Variants in KCNJ6 observed in about 807,000 individuals in gnomAD.
KCNJ6 encodes potassium inwardly rectifying channel subfamily J member 6.
In KCNJ6, 9 loss-of-function variants were observed where a neutral mutation model predicts 34.2. The ratio of observed to expected loss-of-function variants is 0.26; its 90% confidence interval spans 0.16 to 0.46. The LOEUF (loss-of-function observed/expected upper bound fraction) is 0.46, where lower values mean the gene tolerates loss of function less well. KCNJ6 is among the 20% of genes least tolerant of loss of function. The probability of loss-of-function intolerance (pLI) is 1.00; values close to 1 mark genes in which losing one functional copy is unlikely to be tolerated. For missense variants in KCNJ6, 236 were observed against 531.3 expected (o/e 0.44, Z 5.46); for synonymous variants, 196 against 207.1 (o/e 0.95, Z 0.46).
At chr21:37,658,657 C>A (rs1024080732) in intron 3 of KCNJ6, among the ~76,000 whole-genome samples, 49 of 152,188 alleles carry the variant, frequency 3.2e-4, no homozygotes, top group African/African-American at 1.1e-3. Flanking sequence ...GCAATGTAAG[C>A]TCCAGAGGCA....
intron 1 of KCNJ6, among the ~76,000 whole-genome samples, chr21:37,858,742 T>C (rs900630187): frequency 6.6e-6 from 1 of 152,170 alleles, no homozygotes; most frequent in African/African-American, 2.4e-5. Context: ...ATCTTAAAGA[T>C]GCAAGCACTC....
intron 2 of KCNJ6, among the ~76,000 whole-genome samples, chr21:37,812,115 T>C (rs745738678): frequency 1.3e-5 from 2 of 152,178 alleles, no homozygotes; most frequent in Non-Finnish European, 2.9e-5. Context: ...TTGGAAACCA[T>C]GTAAATTAGA....
At chr21:37,735,301 A>C (rs1400645230) in intron 2 of KCNJ6, among the ~76,000 whole-genome samples, 1 of 152,216 alleles carries the variant, frequency 6.6e-6, no homozygotes, top group Non-Finnish European at 1.5e-5. Context: ...CTATCACCAG[A>C]AACGGGGACA....
Position 37,614,336 on chromosome 21 carries a change from C to G in KCNJ6, c.*10823G>C. 1 of 151,660 alleles carries G rather than the reference C, an allele frequency of 6.6e-6. No individual in the cohort carries two copies. 9.4% of individuals were successfully genotyped at this position (151,660 alleles called of 1,614,324 possible). A position where few individuals can be genotyped will look rare whatever the true frequency, so the allele number is the denominator to read the frequency against. ...GGAAATTTACTTTTGTGGTGTCACT[C>G]ATAACTGATTGGAAAGGATAAGAGT... is the stretch of plus-strand genomic sequence containing the variant. On this transcript the variant is annotated 3_prime_UTR_variant, in exon 4 of 4. Transcript: ENST00000609713.
chr21:37,896,152 G>A (rs898387964), intron 1 of KCNJ6, among the ~76,000 whole-genome samples: 3 of 152,150 alleles, frequency 2.0e-5, no homozygotes, highest in Non-Finnish European at 4.4e-5. Context: ...CAGAGGGGGA[G>A]GTGCCACACA....
At chr21:37,812,546 C>T (rs1177966064) in intron 2 of KCNJ6, among the ~76,000 whole-genome samples, 1 of 152,122 alleles carries the variant, frequency 6.6e-6, no homozygotes, top group East Asian at 1.9e-4. Context: ...TATTCAACAA[C>T]ACATTAAAAA....
intron 2 of KCNJ6, among the ~76,000 whole-genome samples, chr21:37,796,530 C>T (rs1167769104): frequency 6.7e-6 from 1 of 149,840 alleles, no homozygotes. Flanking sequence ...TCGGTTTTGT[C>T]CTATTTGCAA....
chr21:37,658,826 A>G (rs908102655), intron 3 of KCNJ6, among the ~76,000 whole-genome samples: 1 of 152,222 alleles, frequency 6.6e-6, no homozygotes. Context: ...AGCGGAGCCC[A>G]GGGCTACCCA....
At chr21:37,633,194 C>G (rs2054341478) in intron 3 of KCNJ6, among the ~76,000 whole-genome samples, 1 of 152,074 alleles carries the variant, frequency 6.6e-6, no homozygotes. Context: ...CCTTAGAATA[C>G]TGATCATATA....
At chr21:37,779,885 A>C (rs2055160942) in intron 2 of KCNJ6, among the ~76,000 whole-genome samples, 1 of 152,152 alleles carries the variant, frequency 6.6e-6, no homozygotes, top group Non-Finnish European at 1.5e-5. Flanking sequence ...GATTCCATTT[A>C]ACTGAGTGTA....
intron 2 of KCNJ6, among the ~76,000 whole-genome samples, chr21:37,831,471 C>A (rs2055425569): frequency 6.6e-6 from 1 of 152,096 alleles, no homozygotes; most frequent in Admixed American, 6.5e-5. Flanking sequence ...CAATGAATAA[C>A]AAAAGAGAGG....
At chr21:37,749,395 C>T (rs572808391) in intron 2 of KCNJ6, among the ~76,000 whole-genome samples, 10 of 152,276 alleles carry the variant, frequency 6.6e-5, no homozygotes, top group Admixed American at 2.6e-4. Context: ...ACACACCCTC[C>T]GCTCGTGGAC....
chr21:37,692,737 A>G (rs2054645501), intron 3 of KCNJ6, among the ~76,000 whole-genome samples: 1 of 152,218 alleles, frequency 6.6e-6, no homozygotes, highest in Non-Finnish European at 1.5e-5. Context: ...ACAATGTGAC[A>G]TTCTCTAACA....
intron 2 of KCNJ6, among the ~76,000 whole-genome samples, chr21:37,751,391 T>C (rs1259682266): frequency 6.6e-6 from 1 of 152,254 alleles, no homozygotes; most frequent in Non-Finnish European, 1.5e-5. Context: ...CCCATCCCTC[T>C]GTGTGCTAAC....
In KCNJ6 at chr21:37,675,407, G is replaced by A. The variant is rs564129499; in HGVS notation, c.946+38804C>T. ...GCCGACGCACCGCTAGGTGGCGCACGCGCTCGCTGCGTCTTTCAGGGCTGC... is the reference window on the plus strand; with the variant it reads ...GCCGACGCACCGCTAGGTGGCGCACACGCTCGCTGCGTCTTTCAGGGCTGC... On this transcript the variant is annotated intron_variant, in intron 3 of 3. Coordinates refer to ENST00000609713, the MANE Select transcript of KCNJ6 (RefSeq NM_002240.5). This position sits in a 1 kb window ranked among gnomAD's most constrained non-coding sequence, Gnocchi z 4.2. Among the ~76,000 whole-genome samples, 2 of 152,018 alleles carry A rather than the reference G, an allele frequency of 1.3e-5. No individual in the cohort carries two copies. The highest frequency in any genetic ancestry group is 4.2e-4 in the South Asian group (2 of 4,800).
intron 2 of KCNJ6, among the ~76,000 whole-genome samples, chr21:37,834,047 T>G (rs2055439881): frequency 6.6e-6 from 1 of 152,150 alleles, no homozygotes; most frequent in Admixed American, 6.5e-5. Context: ...TCATTTCAGA[T>G]CCACTCTTGT....
At chr21:37,812,675 TGTCA>T (rs1191486024) in intron 2 of KCNJ6, among the ~76,000 whole-genome samples, 1 of 152,194 alleles carries the variant, frequency 6.6e-6, no homozygotes, top group Non-Finnish European at 1.5e-5. Flanking sequence ...CATATAATCA[TGTCA>T]ATTGAGGCTG....
intron 2 of KCNJ6, among the ~76,000 whole-genome samples, chr21:37,736,996 C>T (rs1181996537): frequency 6.6e-6 from 1 of 152,220 alleles, no homozygotes; most frequent in African/African-American, 2.4e-5. Context: ...AGTTTCCTAA[C>T]AAATTACGTT....
At chr21:37,896,247 C>T (rs1274198252) in intron 1 of KCNJ6, among the ~76,000 whole-genome samples, 3 of 152,190 alleles carry the variant, frequency 2.0e-5, no homozygotes, top group Non-Finnish European at 2.9e-5. Context: ...ATGAGAAATT[C>T]GTCTCCATAA....
Sources: allele counts gnomAD v4.1 joint callset (sites outside exome capture counted in the v4.1 genomes callset), GRCh38; gene constraint gnomAD v4.1.1; non-coding constraint Gnocchi (gnomAD v3.1); transcripts MANE v1.5; gene names NCBI Gene and HGNC (gene_info 2026-07-23, HGNC 2026-07-21).